Variants in PPP1R1C observed in about 807,000 individuals in gnomAD.
PPP1R1C encodes the protein protein phosphatase 1 regulatory subunit 1C.
A neutral mutation model predicts 17.4 loss-of-function variants in PPP1R1C; 15 were observed. The observed-to-expected ratio is 0.86, with a 90% CI of 0.58 to 1.33. The LOEUF (loss-of-function observed/expected upper bound fraction) is 1.33. PPP1R1C is among the 40% of genes most tolerant of loss of function. The probability of loss-of-function intolerance (pLI) is 0.00; values close to 1 mark genes in which losing one functional copy is unlikely to be tolerated. For synonymous variants in PPP1R1C, 35 were observed against 43.1 expected (o/e 0.81, Z 0.73); for missense variants, 143 against 130.0 (o/e 1.10, Z -0.48).
At chr2:182,112,775 A>G (rs764377001) in intron 4 of PPP1R1C, among the ~76,000 whole-genome samples, 12 of 152,170 alleles carry the variant, frequency 7.9e-5, no homozygotes, top group Non-Finnish European at 1.3e-4. Flanking sequence ...ATACACTATA[A>G]ATAGAATTCC....
intron 2 of PPP1R1C, among the ~76,000 whole-genome samples, chr2:182,011,064 A>G (rs1686075829): frequency 1.3e-5 from 2 of 152,000 alleles, no homozygotes. Flanking sequence ...GTTCAGGGAT[A>G]TTGGCCTGTA....
chr2:181,978,654 A>G (rs1685140801), intron 2 of PPP1R1C, among the ~76,000 whole-genome samples: 1 of 152,170 alleles, frequency 6.6e-6, no homozygotes, highest in Non-Finnish European at 1.5e-5. Context: ...GGTGTTACAC[A>G]GGAACTGAGT....
At chr2:182,079,764 A>G (rs960944247) in intron 4 of PPP1R1C, among the ~76,000 whole-genome samples, 1 of 152,174 alleles carries the variant, frequency 6.6e-6, no homozygotes, top group Non-Finnish European at 1.5e-5. Context: ...GGCTGTAGGG[A>G]AGATTCCTTC....
At chr2:182,087,940 C>T (rs139945672) in intron 4 of PPP1R1C, among the ~76,000 whole-genome samples, 8 of 152,248 alleles carry the variant, frequency 5.3e-5, no homozygotes, top group South Asian at 4.1e-4. Flanking sequence ...GGAAGTGGAG[C>T]GATGGCATTC....
At chr2:182,089,946 T>C (rs1688734374) in intron 4 of PPP1R1C, among the ~76,000 whole-genome samples, 1 of 152,060 alleles carries the variant, frequency 6.6e-6, no homozygotes, top group African/African-American at 2.4e-5. Context: ...TTAAATACAA[T>C]TTTTAAATGC....
At chr2:182,058,090 T>C (rs58836112) in intron 2 of PPP1R1C, among the ~76,000 whole-genome samples, 6,290 of 152,216 alleles carry the variant, frequency 0.041, 441 homozygotes, top group African/African-American at 0.14. Flanking sequence ...ATTTTTTTAA[T>C]TAACTGAAAC....
At chr2:182,032,404 A>C (rs1489896124) in intron 2 of PPP1R1C, among the ~76,000 whole-genome samples, 1 of 152,126 alleles carries the variant, frequency 6.6e-6, no homozygotes, top group Non-Finnish European at 1.5e-5. Flanking sequence ...CATAATACTT[A>C]TTACCATCCA....
intron 4 of PPP1R1C, among the ~76,000 whole-genome samples, chr2:182,070,574 C>A (rs1401608285): frequency 6.6e-6 from 1 of 152,122 alleles, no homozygotes. Flanking sequence ...TAGAAAAATT[C>A]TGAAGATAGT....
chr2:181,966,489 G>A (rs1684906896), intron 1 of PPP1R1C, among the ~76,000 whole-genome samples: 1 of 151,692 alleles, frequency 6.6e-6, no homozygotes, highest in South Asian at 2.1e-4. Context: ...TCTATACCCA[G>A]TTTTTTTAGT....
chr2:182,081,859 A>C (rs1004043234), intron 4 of PPP1R1C, among the ~76,000 whole-genome samples: 15 of 152,190 alleles, frequency 9.9e-5, no homozygotes, highest in African/African-American at 3.6e-4. Context: ...TTTATCCTGC[A>C]TATTACCAAT....
chr2:182,038,813 C>T (rs148634381), intron 2 of PPP1R1C, among the ~76,000 whole-genome samples: 1 of 152,178 alleles, frequency 6.6e-6, no homozygotes, highest in African/African-American at 2.4e-5. Context: ...TTCTAAGGAT[C>T]AGCTTTTAAG....
intron 4 of PPP1R1C, among the ~76,000 whole-genome samples, chr2:182,075,598 C>T (rs1223006130): frequency 2.0e-5 from 3 of 152,078 alleles, no homozygotes; most frequent in African/African-American, 4.8e-5. Context: ...ACCATCACTG[C>T]GTAGGACAAA....
chr2:182,083,003 GC>G (rs1559085838), intron 4 of PPP1R1C, among the ~76,000 whole-genome samples: 1 of 152,120 alleles, frequency 6.6e-6, no homozygotes, highest in African/African-American at 2.4e-5. Context: ...ACTCAGAAAA[GC>G]CTTGGAACAT....
At chr2:181,981,985 TTTAG>T (rs778896792), upstream of PPP1R1C, among the ~76,000 whole-genome samples, 15 of 152,220 alleles carry the variant, frequency 9.9e-5, no homozygotes, top group Non-Finnish European at 1.8e-4. Flanking sequence ...TTTGATGGCA[TTTAG>T]TTAGCCAACC....
At chr2:181,977,132 TAAAAAAAAAAAAAAAAAAAAAA>T (rs67129466) in intron 2 of PPP1R1C, among the ~76,000 whole-genome samples, 838 of 19,842 alleles carry the variant, frequency 0.042, 12 homozygotes, top group Non-Finnish European at 0.079. Flanking sequence ...AGAATCTATC[TAAAAAAAAAAAAAAAAAAAAAA>T]AAAAAAAAAA....
At chr2:182,065,307 A>T (rs930606518) in intron 4 of PPP1R1C, among the ~76,000 whole-genome samples, 1 of 152,152 alleles carries the variant, frequency 6.6e-6, no homozygotes, top group African/African-American at 2.4e-5. Flanking sequence ...CCTGCTTATG[A>T]TAAAAGAAAA....
intron 4 of PPP1R1C, among the ~76,000 whole-genome samples, chr2:182,070,019 G>A (rs531571765): frequency 1.3e-4 from 20 of 152,204 alleles, no homozygotes; most frequent in Non-Finnish European, 1.9e-4. Flanking sequence ...CCCTGTGGGA[G>A]ACCAGTCTGG....
intron 4 of PPP1R1C, among the ~76,000 whole-genome samples, chr2:182,115,834 T>C (rs1689564646): frequency 6.6e-6 from 1 of 152,202 alleles, no homozygotes; most frequent in Non-Finnish European, 1.5e-5. Flanking sequence ...AACTTACACA[T>C]TTCTTGAGAC....
At chr2:182,078,927 T>A (rs924865803) in intron 4 of PPP1R1C, among the ~76,000 whole-genome samples, 9 of 152,220 alleles carry the variant, frequency 5.9e-5, no homozygotes, top group Non-Finnish European at 1.3e-4. Context: ...CTTCCAAACA[T>A]TCTGAAAGTA....
Sources: allele counts gnomAD v4.1 joint callset (sites outside exome capture counted in the v4.1 genomes callset), GRCh38; gene constraint gnomAD v4.1.1; transcripts MANE v1.5; gene names NCBI Gene and HGNC (gene_info 2026-07-23, HGNC 2026-07-21).